Variants in GABRB1 observed in about 807,000 individuals in gnomAD.
GABRB1 encodes the protein gamma-aminobutyric acid type A receptor subunit beta1, also known as gamma-aminobutyric acid receptor subunit beta-1.
A neutral mutation model predicts 51.6 loss-of-function variants in GABRB1; 17 were observed. That is an observed-to-expected ratio of 0.33 (90% CI 0.23 to 0.49). The LOEUF is 0.49. Among genes scored for constraint, GABRB1 ranks in the 20% least tolerant of loss-of-function variants. The pLI is 0.99. For missense variants in GABRB1, 410 were observed against 600.6 expected (o/e 0.68, Z 3.32); for synonymous variants, 247 against 218.9 (o/e 1.13, Z -1.14).
chr4:47,339,549 G>A (rs1287580098), intron 5 of GABRB1, among the ~76,000 whole-genome samples: 3 of 151,816 alleles, frequency 2.0e-5, no homozygotes, highest in African/African-American at 4.8e-5. Flanking sequence ...ATATGTGTGT[G>A]TGTGTGTGTG....
intron 1 of GABRB1, among the ~76,000 whole-genome samples, chr4:47,011,926 T>G (rs1724592532): frequency 6.6e-6 from 1 of 152,138 alleles, no homozygotes; most frequent in South Asian, 2.1e-4. Flanking sequence ...GAATATGATA[T>G]AATAAACATC....
At chr4:47,123,280 C>T (rs1185736580) in intron 3 of GABRB1, among the ~76,000 whole-genome samples, 2 of 138,102 alleles carry the variant, frequency 1.4e-5, no homozygotes, top group Admixed American at 7.9e-5. Context: ...TGTATTTATA[C>T]ATATATATGA....
At chr4:47,408,825 G>A (rs1728661479) in intron 8 of GABRB1, among the ~76,000 whole-genome samples, 1 of 152,068 alleles carries the variant, frequency 6.6e-6, no homozygotes, top group Non-Finnish European at 1.5e-5. Flanking sequence ...TGCACAGCTT[G>A]GAATGTTTGT....
At chr4:47,278,158 G>A (rs1481787961) in intron 4 of GABRB1, among the ~76,000 whole-genome samples, 1 of 152,122 alleles carries the variant, frequency 6.6e-6, no homozygotes, top group Non-Finnish European at 1.5e-5. Context: ...TCTATAAAAT[G>A]AGAATAATAG....
At chr4:47,111,726 A>T (rs952167608) in intron 3 of GABRB1, among the ~76,000 whole-genome samples, 17 of 151,938 alleles carry the variant, frequency 1.1e-4, no homozygotes, top group African/African-American at 3.9e-4. Context: ...TTAGCTGGGC[A>T]GGGTGGCACA....
chr4:47,017,424 T>A (rs1724783128), intron 1 of GABRB1, among the ~76,000 whole-genome samples: 1 of 152,214 alleles, frequency 6.6e-6, no homozygotes, highest in Non-Finnish European at 1.5e-5. Context: ...CTGAGCAGTA[T>A]ATATCATTTA....
rs540651065 is a variant in GABRB1 at position 47,403,605 on chromosome 4, T to C, written c.729T>C (p.Ile243=). The C allele has an allele frequency of 1.2e-5, 20 of 1,614,040 alleles. No homozygotes were observed. The East Asian group carries it at 4.0e-4, about 32-fold the overall frequency. The part of the protein sequence containing the change: ...LSLSFRLKRN[I]GYFILQTYMP... ...TAAGTTTTCGTCTAAAGAGAAACAT[T>C]GGTTACTTCATTTTGCAAACCTACA... The change falls in exon 7 of 9, where the codon ATT becomes ATC. Residue 243 remains isoleucine, a synonymous_variant. Transcript: ENST00000295454.
intron 4 of GABRB1, among the ~76,000 whole-genome samples, chr4:47,179,030 T>C (rs1205666904): frequency 1.3e-5 from 2 of 152,038 alleles, no homozygotes; most frequent in African/African-American, 2.4e-5. Flanking sequence ...GTTTGTTACA[T>C]AGGTATACAT....
intron 4 of GABRB1, among the ~76,000 whole-genome samples, chr4:47,227,872 A>C (rs1388761828): frequency 6.6e-6 from 1 of 152,100 alleles, no homozygotes; most frequent in Admixed American, 6.6e-5. Flanking sequence ...TCACGTAGTC[A>C]TCCTTCTGTT....
intron 3 of GABRB1, among the ~76,000 whole-genome samples, chr4:47,078,005 T>C (rs571636402): frequency 4.9e-4 from 67 of 138,050 alleles, no homozygotes; most frequent in African/African-American, 1.9e-3. Flanking sequence ...TATATATATA[T>C]TGGGAAGGAG....
At chr4:47,297,533 A>C (rs569262898) in intron 4 of GABRB1, among the ~76,000 whole-genome samples, 1 of 152,324 alleles carries the variant, frequency 6.6e-6, no homozygotes, top group South Asian at 2.1e-4. Context: ...TCCTCGACAC[A>C]TACACCCTCC....
intron 4 of GABRB1, among the ~76,000 whole-genome samples, chr4:47,240,011 C>T (rs1193710979): frequency 6.6e-6 from 1 of 152,178 alleles, no homozygotes; most frequent in African/African-American, 2.4e-5. Flanking sequence ...GCAGCAGCAG[C>T]TCAGTTTCCT....
At position 47,311,449 on chromosome 4, in the gene GABRB1, T is replaced by C. The variant is rs1208145845; in HGVS notation, c.462-8678T>C. 4.7e-5 allele frequency among the ~76,000 whole-genome samples: 7 copies of C among 149,860 alleles called. No homozygotes were observed. In the East Asian group the frequency reaches 1.2e-3, roughly 25 times the overall value. On this transcript the variant is annotated intron_variant, in intron 4 of 8. Coordinates refer to ENST00000295454, the MANE Select transcript of GABRB1 (RefSeq NM_000812.4). ...AAAAAAAAAAGATAGTCGATTATCT[T>C]GGAATATCTTAGTGGGCCCAATGTA...
intron 4 of GABRB1, among the ~76,000 whole-genome samples, chr4:47,289,579 G>A (rs1723648943): frequency 6.6e-6 from 1 of 152,046 alleles, no homozygotes; most frequent in African/African-American, 2.4e-5. Flanking sequence ...GCTCACCATG[G>A]CAAATTGGTC....
chr4:47,204,828 T>C (rs1720050515), intron 4 of GABRB1, among the ~76,000 whole-genome samples: 1 of 152,186 alleles, frequency 6.6e-6, no homozygotes, highest in Non-Finnish European at 1.5e-5. Flanking sequence ...ATTAAACCTT[T>C]TTCCTTTGTA....
At chr4:47,126,596 A>G (rs1288870504) in intron 3 of GABRB1, among the ~76,000 whole-genome samples, 1 of 152,126 alleles carries the variant, frequency 6.6e-6, no homozygotes, top group Non-Finnish European at 1.5e-5. Flanking sequence ...GACTTGCAGA[A>G]AAACAAATAT....
At chr4:47,153,701 T>G (rs1717563524) in intron 3 of GABRB1, among the ~76,000 whole-genome samples, 1 of 152,036 alleles carries the variant, frequency 6.6e-6, no homozygotes, top group Non-Finnish European at 1.5e-5. Flanking sequence ...TAGATGATTA[T>G]CATTCAGTGT....
At chr4:46,995,990 A>G (rs1190460368) in intron 1 of GABRB1, among the ~76,000 whole-genome samples, 3 of 151,596 alleles carry the variant, frequency 2.0e-5, no homozygotes, top group Non-Finnish European at 4.4e-5. Flanking sequence ...TATTTATGCC[A>G]CTTTTGTATT....
intron 5 of GABRB1, among the ~76,000 whole-genome samples, chr4:47,325,788 G>A (rs1220100173): frequency 1.3e-5 from 2 of 152,106 alleles, no homozygotes; most frequent in Admixed American, 6.5e-5. Flanking sequence ...ATCTAAGTTA[G>A]GAACCAGTAG....
Sources: gnomAD v4.1 joint callset for allele counts (sites outside exome capture counted in the v4.1 genomes callset) on GRCh38, gnomAD v4.1.1 for gene constraint, MANE v1.5 for transcripts, NCBI Gene and HGNC (gene_info 2026-07-23, HGNC 2026-07-21) for gene names.